The following PRKCQ variants were observed in gnomAD, a reference collection of about 807,000 sequenced individuals.
PRKCQ encodes protein kinase C theta, also known as protein kinase C theta type.
PRKCQ carries 41 observed loss-of-function variants against 91.2 expected under a neutral mutation model. The ratio of observed to expected loss-of-function variants is 0.45; its 90% CI spans 0.35 to 0.58. The LOEUF (loss-of-function observed/expected upper bound fraction) is 0.58. Among genes scored for constraint, PRKCQ ranks in the 20% least tolerant of loss-of-function variants. PRKCQ has a pLI of 0.00. For synonymous variants in PRKCQ, 307 were observed against 316.9 expected, an observed-to-expected ratio of 0.97 and a Z score of 0.33; for missense variants, 673 against 896.5, an observed-to-expected ratio of 0.75 and a Z score of 3.18.
intron 12 of PRKCQ, among the ~76,000 whole-genome samples, chr10:6,478,098 A>G (rs1249898874): frequency 1.3e-5 from 2 of 152,228 alleles, no homozygotes; most frequent in African/African-American, 4.8e-5. Context: ...AGTGTTATTT[A>G]AATCAGAACA....
At position 6,427,650 on chromosome 10, in the gene PRKCQ, C is replaced by CCG; in HGVS notation, c.*556_*557insCG. 2.6e-5 allele frequency: 4 copies of CCG among 152,608 alleles called. No homozygotes were observed. Among genetic ancestry groups the CCG allele is most frequent in the Admixed American group, 6.5e-5 (1 of 15,360 alleles). 9.5% of individuals were successfully genotyped at this position (152,608 alleles called of 1,614,324 possible). On this transcript the variant is annotated 3_prime_UTR_variant, in exon 18 of 18. Coordinates refer to ENST00000263125, the MANE Select transcript of PRKCQ (RefSeq NM_006257.5). ...GGATTTGTAGATCTCAAGTTACAAG[C>CCG]TATGTTTATTGTAAAGAATTCCCAT...
chr10:6,395,760 G>A, the PRKCQ span, among the ~76,000 whole-genome samples: 2 of 152,298 alleles, frequency 1.3e-5, no homozygotes, highest in East Asian at 1.9e-4. Context: ...AAGCAAGGCG[G>A]AGTCAGGTCA....
At chr10:6,480,630 T>C (rs1836545294) in intron 11 of PRKCQ, among the ~76,000 whole-genome samples, 1 of 152,216 alleles carries the variant, frequency 6.6e-6, no homozygotes, top group Admixed American at 6.5e-5. Flanking sequence ...TTCTCTAACT[T>C]ACAGGACTGT....
At chr10:6,444,484 G>T (rs1834140856) in intron 15 of PRKCQ, among the ~76,000 whole-genome samples, 1 of 152,016 alleles carries the variant, frequency 6.6e-6, no homozygotes, top group African/African-American at 2.4e-5. Flanking sequence ...TTTTTTTAAT[G>T]GAAAAGAGGG....
the PRKCQ span, among the ~76,000 whole-genome samples, chr10:6,396,742 G>A: frequency 2.0e-5 from 3 of 152,224 alleles, no homozygotes; most frequent in South Asian, 2.1e-4. Context: ...ATGTTGCAGC[G>A]AAGCTTGGTG....
intron 16 of PRKCQ, among the ~76,000 whole-genome samples, chr10:6,438,175 T>A (rs1404120584): frequency 1.3e-5 from 2 of 152,230 alleles, no homozygotes; most frequent in African/African-American, 2.4e-5. Context: ...GGGCTGGGGA[T>A]CCTGTGAGGG....
At chr10:6,513,631 T>C (rs145148107) in intron 2 of PRKCQ, among the ~76,000 whole-genome samples, 1 of 152,314 alleles carries the variant, frequency 6.6e-6, no homozygotes, top group East Asian at 1.9e-4. Context: ...GCATTCACAC[T>C]TTTAACTAAA....
chr10:6,445,970 G>T (rs940044690), intron 15 of PRKCQ, among the ~76,000 whole-genome samples: 1 of 152,222 alleles, frequency 6.6e-6, no homozygotes, highest in Non-Finnish European at 1.5e-5. Context: ...AAGGACAGGA[G>T]ACAGCTGTGG....
rs978907874 is a variant in PRKCQ at position 6,497,305 on chromosome 10, A to G, written c.543-54T>C. On this transcript the variant is annotated intron_variant, in intron 5 of 17. Transcript: ENST00000263125. This position sits in a 1 kb window ranked among gnomAD's most constrained non-coding sequence, Gnocchi z 4.5. ...CAATGTTGGCATCAACATCAGCACC[A>G]ACAGCATTTAAGAGATGGATGAGAT... The G allele has an allele frequency of 1.9e-5, 30 of 1,604,142 alleles. No homozygotes were observed. The highest frequency in any genetic ancestry group is 2.6e-5 in the Non-Finnish European group (30 of 1,171,508).
At chr10:6,453,135 C>T (rs1333128084) in intron 15 of PRKCQ, among the ~76,000 whole-genome samples, 2 of 150,318 alleles carry the variant, frequency 1.3e-5, no homozygotes, top group African/African-American at 2.4e-5. Flanking sequence ...AGTGAACAGG[C>T]AACCTACAAA....
chr10:6,464,316 G>C lies in PRKCQ; in HGVS notation c.1442C>G (p.Ala481Gly). The change falls in exon 13 of 18, where the codon GCG becomes GGG. Residue 481 changes from alanine (A) to glycine (G), a missense_variant. Coordinates refer to ENST00000263125, the MANE Select transcript of PRKCQ (RefSeq NM_006257.5). ...QSCHKFDLSR[A>G]TFYAAEIILG... ...CAAACCCTTTAAAGCCTCTTACGTC[G>C]CTCTGGAAAGGTCGAACTTGTGGCA... 6.2e-7 allele frequency: 1 copy of C among 1,613,110 alleles called. No individual in the cohort carries two copies.
intron 8 of PRKCQ, among the ~76,000 whole-genome samples, chr10:6,487,471 G>A (rs1357549841): frequency 1.3e-5 from 2 of 152,124 alleles, no homozygotes; most frequent in East Asian, 3.9e-4. Context: ...ACGCTCTGGG[G>A]GCTCCCGATT....
chr10:6,564,225 A>G (rs1481103046), intron 1 of PRKCQ, among the ~76,000 whole-genome samples: 1 of 152,176 alleles, frequency 6.6e-6, no homozygotes, highest in African/African-American at 2.4e-5. Context: ...TTTTCGTTTC[A>G]GCAAGATCCT....
intron 1 of PRKCQ, among the ~76,000 whole-genome samples, chr10:6,558,790 G>A (rs1296591825): frequency 6.6e-6 from 1 of 152,188 alleles, no homozygotes; most frequent in Non-Finnish European, 1.5e-5. Flanking sequence ...TTATCTCTAT[G>A]TTAGGAAGAT....
chr10:6,489,074 C>T (rs1033466607), intron 8 of PRKCQ, among the ~76,000 whole-genome samples: 1 of 152,128 alleles, frequency 6.6e-6, no homozygotes, highest in East Asian at 1.9e-4. Context: ...TGTTACCGTG[C>T]CCGGCCTAAA....
intron 7 of PRKCQ, among the ~76,000 whole-genome samples, chr10:6,495,861 C>T (rs1188475468): frequency 2.6e-5 from 4 of 152,094 alleles, no homozygotes; most frequent in East Asian, 1.9e-4. Flanking sequence ...ATTCACTCTT[C>T]GGATGGTGGG....
chr10:6,483,293 C>G, intron 11 of PRKCQ, 147 bp downstream of exon 11: 2 of 1,022,854 alleles, frequency 2.0e-6, no homozygotes, highest in East Asian at 4.8e-5. Flanking sequence ...CCTCGGGGTC[C>G]CTATTTATTC....
At chr10:6,400,557 G>A in the PRKCQ span, among the ~76,000 whole-genome samples, 1 of 150,964 alleles carries the variant, frequency 6.6e-6, no homozygotes, top group Non-Finnish European at 1.5e-5. Context: ...CCCACGTCCC[G>A]TGTCTCGGCA....
At chr10:6,487,602 T>C (rs905215338) in intron 8 of PRKCQ, among the ~76,000 whole-genome samples, 5 of 152,186 alleles carry the variant, frequency 3.3e-5, no homozygotes, top group African/African-American at 1.2e-4. Flanking sequence ...TAACTTCCAT[T>C]GCCAGTGACC....
Sources: gnomAD v4.1 joint callset for allele counts (sites outside exome capture counted in the v4.1 genomes callset) on GRCh38, gnomAD v4.1.1 for gene constraint, Gnocchi (gnomAD v3.1) non-coding constraint, MANE v1.5 for transcripts, NCBI Gene and HGNC (gene_info 2026-07-23, HGNC 2026-07-21) for gene names.